ERG: variants seen among roughly 807,000 people sequenced by gnomAD.
ERG encodes the protein ETS transcription factor ERG, also known as transcriptional regulator ERG.
In ERG, 9 loss-of-function variants were observed where a neutral mutation model predicts 55.3. The observed-to-expected ratio is 0.16, with a 90% CI of 0.10 to 0.28. ERG has a LOEUF of 0.28. Ranked by LOEUF, ERG falls within the 10% of genes least tolerant of loss-of-function variation. The pLI is 1.00. For synonymous variants in ERG, 223 were observed against 237.3 expected (o/e 0.94, Z 0.55); for missense variants, 434 against 631.6 (o/e 0.69, Z 3.35).
chr21:38,394,016 C>T (rs1601327650), intron 6 of ERG, among the ~76,000 whole-genome samples: 1 of 152,162 alleles, frequency 6.6e-6, no homozygotes, highest in Non-Finnish European at 1.5e-5. Flanking sequence ...TCTCTGGGAA[C>T]ACTCTGCACA....
intron 3 of ERG, among the ~76,000 whole-genome samples, chr21:38,407,938 T>C (rs1240909678): frequency 4.7e-5 from 7 of 149,394 alleles, no homozygotes; most frequent in East Asian, 3.9e-4. Flanking sequence ...CTATATATAG[T>C]ATATATGTGA....
intron 1 of ERG, among the ~76,000 whole-genome samples, chr21:38,481,071 G>T (rs1200972180): frequency 2.0e-5 from 3 of 152,126 alleles, no homozygotes; most frequent in Non-Finnish European, 4.4e-5. Flanking sequence ...ACAGTTAAGA[G>T]TATACTGAGC....
chr21:38,402,725 AAAAAAAGAAAG>A (rs1001072519), intron 4 of ERG, 88 bp from the exon 5 acceptor site: 2 of 861,836 alleles, frequency 2.3e-6, no homozygotes, highest in African/African-American at 3.5e-5. Context: ...AAAAAAAAAA[AAAAAAAGAAAG>A]AAAAAGAAAG....
chr21:38,382,884 A>G lies in ERG; in HGVS notation c.*519T>C. On this transcript the variant is annotated 3_prime_UTR_variant, in exon 10 of 10. Coordinates refer to ENST00000288319, the MANE Select transcript of ERG (RefSeq NM_182918.4). ...TCAACCAAAACAGCACATGCCATGCAGTTGCATATCAACGTCTGTTGATGG... is the reference window on the plus strand; with the variant it reads ...TCAACCAAAACAGCACATGCCATGCGGTTGCATATCAACGTCTGTTGATGG... 2 of 1,066,528 alleles carry G rather than the reference A, an allele frequency of 1.9e-6. No individual in the cohort carries two copies. The highest frequency in any genetic ancestry group is 9.1e-5 in the South Asian group (2 of 21,988). 66.1% of individuals were successfully genotyped at this position (1,066,528 alleles called of 1,614,324 possible).
chr21:38,567,382 T>C (rs994090477), intron 2 of ERG, among the ~76,000 whole-genome samples: 1 of 152,120 alleles, frequency 6.6e-6, no homozygotes, highest in Admixed American at 6.5e-5. Context: ...AAGTACTCAT[T>C]GTAGAAATTT....
chr21:38,377,927 A>G (rs1569048309), downstream of ERG, among the ~76,000 whole-genome samples: 1 of 152,204 alleles, frequency 6.6e-6, no homozygotes, highest in Non-Finnish European at 1.5e-5. Context: ...GTGAGAAAAC[A>G]TGAAAGCAAA....
chr21:38,436,020 CT>C lies in ERG; in HGVS notation c.236+9383del, dbSNP rs11384369. 8.8e-3 allele frequency among the ~76,000 whole-genome samples: 1,173 copies of C among 133,310 alleles called. 10 individuals carry two copies. The highest frequency in any genetic ancestry group is 0.029 in the African/African-American group (1,013 of 35,480). The allele number at this position is 133,310 out of a possible 152,430, so 87.5% of individuals were successfully genotyped here. A position where few individuals can be genotyped will look rare whatever the true frequency, so the allele number is the denominator to read the frequency against. ...CAAAACAATTTTACTTTCTTTTTTT[CT>C]TTTTTTTTTTTTTTTGAGACGGAGT... On this transcript the variant is annotated intron_variant, in intron 2 of 9. Coordinates refer to ENST00000288319, the MANE Select transcript of ERG (RefSeq NM_182918.4).
At chr21:38,473,670 G>A (rs1255141999) in intron 1 of ERG, among the ~76,000 whole-genome samples, 6 of 152,098 alleles carry the variant, frequency 3.9e-5, no homozygotes, top group South Asian at 2.1e-4. Flanking sequence ...TTTGAAAGAC[G>A]TGGTTTGGAC....
chr21:38,592,849 T>C (rs563326000), intron 1 of ERG, among the ~76,000 whole-genome samples: 1 of 152,352 alleles, frequency 6.6e-6, no homozygotes, highest in East Asian at 1.9e-4. Context: ...CTTATTTCAT[T>C]TGGTTGTTAT....
intron 1 of ERG, among the ~76,000 whole-genome samples, chr21:38,575,955 T>C (rs2059992194): frequency 1.3e-5 from 2 of 152,218 alleles, no homozygotes; most frequent in African/African-American, 2.4e-5. Flanking sequence ...TCACTTACAA[T>C]GAGCCCAAGA....
At chr21:38,476,520 C>G (rs2059189294) in intron 1 of ERG, among the ~76,000 whole-genome samples, 1 of 152,294 alleles carries the variant, frequency 6.6e-6, no homozygotes, top group South Asian at 2.1e-4. Context: ...ATGACGGCTC[C>G]AATGGCCATG....
chr21:38,519,169 A>T (rs2059575342), intron 2 of ERG, among the ~76,000 whole-genome samples: 1 of 152,246 alleles, frequency 6.6e-6, no homozygotes, highest in Non-Finnish European at 1.5e-5. Context: ...TCTCACACAC[A>T]GCTGGAGTTT....
intron 1 of ERG, among the ~76,000 whole-genome samples, chr21:38,654,817 C>A (rs1331607083): frequency 1.3e-5 from 2 of 152,150 alleles, no homozygotes; most frequent in Non-Finnish European, 2.9e-5. Context: ...GCAAGCCTTG[C>A]ACAAGGCAAG....
At position 38,498,238 on chromosome 21, in the gene ERG, T is replaced by C; in HGVS notation, c.18+125A>G. The C allele has an allele frequency of 3.7e-6, 3 of 808,362 alleles. No homozygotes were observed. 50.1% of individuals were successfully genotyped at this position (808,362 alleles called of 1,614,324 possible). A position where few individuals can be genotyped will look rare whatever the true frequency, so the allele number is the denominator to read the frequency against. On this transcript the variant is annotated intron_variant, in intron 1 of 9. Transcript: ENST00000288319. This position sits in a 1 kb window ranked among gnomAD's most constrained non-coding sequence, Gnocchi z 4.6. ...TTACTAGGCAGTGCAAAGGAAATCTTGTTGTCCTCTATTGTGGCAGTGGGG... is the reference window on the plus strand; with the variant it reads ...TTACTAGGCAGTGCAAAGGAAATCTCGTTGTCCTCTATTGTGGCAGTGGGG...
At chr21:38,567,281 G>A (rs927509780) in intron 2 of ERG, among the ~76,000 whole-genome samples, 3 of 152,232 alleles carry the variant, frequency 2.0e-5, no homozygotes, top group South Asian at 2.1e-4. Flanking sequence ...TCGAGACCAC[G>A]CACATAAAGA....
chr21:38,454,891 T>C (rs1394190612), intron 1 of ERG, among the ~76,000 whole-genome samples: 1 of 152,208 alleles, frequency 6.6e-6, no homozygotes, highest in Admixed American at 6.5e-5. Flanking sequence ...GTCACTTTGA[T>C]TTATAGCCTT....
chr21:38,469,241 T>C (rs1480167720), intron 1 of ERG, among the ~76,000 whole-genome samples: 1 of 152,166 alleles, frequency 6.6e-6, no homozygotes, highest in African/African-American at 2.4e-5. Flanking sequence ...GCCATGTCTA[T>C]CCATCTGTGA....
intron 1 of ERG, among the ~76,000 whole-genome samples, chr21:38,651,659 C>G (rs539067439): frequency 6.6e-6 from 1 of 152,278 alleles, no homozygotes; most frequent in East Asian, 1.9e-4. Flanking sequence ...TTAAAACTAC[C>G]CTTGAAGTTC....
At chr21:38,586,913 C>T (rs528534388), upstream of ERG, among the ~76,000 whole-genome samples, 1 of 152,238 alleles carries the variant, frequency 6.6e-6, no homozygotes, top group East Asian at 1.9e-4. Flanking sequence ...CATAAACGCC[C>T]ATAAAGAAAA....
Sources: gnomAD v4.1 joint callset for allele counts (sites outside exome capture counted in the v4.1 genomes callset) on GRCh38, gnomAD v4.1.1 for gene constraint, Gnocchi (gnomAD v3.1) non-coding constraint, MANE v1.5 for transcripts, NCBI Gene and HGNC (gene_info 2026-07-23, HGNC 2026-07-21) for gene names.